The following ARHGAP8 variants were observed in gnomAD, a reference collection of about 807,000 sequenced individuals.
ARHGAP8 encodes Rho GTPase activating protein 8, also known as rho GTPase-activating protein 8.
Under a neutral mutation model 46.1 loss-of-function variants are expected in ARHGAP8, and 62 were observed. That is an observed-to-expected ratio of 1.34 (90% CI 1.10 to 1.66). The LOEUF (loss-of-function observed/expected upper bound fraction) is 1.66, where lower values mean the gene tolerates loss of function less well. Among genes scored for constraint, ARHGAP8 ranks in the 40% most tolerant of loss-of-function variants. The pLI is 0.00. For synonymous variants in ARHGAP8, 375 were observed against 243.1 expected, an observed-to-expected ratio of 1.54 and a Z score of -5.05; for missense variants, 923 against 568.4, an observed-to-expected ratio of 1.62 and a Z score of -6.34.
At chr22:44,816,058 A>G (rs1162429591) in intron 5 of ARHGAP8, among the ~76,000 whole-genome samples, 1 of 151,986 alleles carries the variant, frequency 6.6e-6, no homozygotes, top group Non-Finnish European at 1.5e-5. Flanking sequence ...GCCTCTGGGG[A>G]CAGGGAGGCG....
intron 7 of ARHGAP8, among the ~76,000 whole-genome samples, chr22:44,830,656 C>T (rs1930881897): frequency 6.6e-6 from 1 of 152,118 alleles, no homozygotes; most frequent in Non-Finnish European, 1.5e-5. Context: ...CCTGTCTCAC[C>T]CTCCCGAGTA....
At chr22:44,828,085 C>G (rs897706837) in intron 7 of ARHGAP8, among the ~76,000 whole-genome samples, 1 of 152,166 alleles carries the variant, frequency 6.6e-6, no homozygotes, top group East Asian at 1.9e-4. Flanking sequence ...CAGCTCTGAC[C>G]GATTCACCCT....
In ARHGAP8 at chr22:44,794,400, T is replaced by C. The variant is rs530788887; in HGVS notation, c.80-7677T>C. Among the ~76,000 whole-genome samples, 8 of 152,074 alleles carry C rather than the reference T, an allele frequency of 5.3e-5. No individual in the cohort carries two copies. The South Asian group carries it at 1.0e-3, about 20-fold the overall frequency. The stretch of plus-strand genomic sequence containing the variant: ...GGCTGGGTACAGCCCTTTGCTTTTT[T>C]TCTCTCTCTCTCTTTTAAACTTTTT... On this transcript the variant is annotated intron_variant, in intron 2 of 11. Transcript: ENST00000356099.
rs549392769 is a variant in ARHGAP8, at chr22:44,859,178, C to T, written c.878-553C>T. On this transcript the variant is annotated intron_variant, in intron 10 of 11. Transcript: ENST00000356099. The stretch of plus-strand genomic sequence containing the variant: ...GCAGAGGGATGGAGCTTGTAGAATT[C>T]AGGTGATGATAGGGCTTGGATCTGA... Among the ~76,000 whole-genome samples, 14 of 152,266 alleles carry T rather than the reference C, an allele frequency of 9.2e-5. No homozygotes were observed. The South Asian group carries it at 1.5e-3, about 16-fold the overall frequency.
rs552841846 is a variant in ARHGAP8 at position 44,813,573 on chromosome 22, T to TAC, written c.300-1090_300-1089dup. Among the ~76,000 whole-genome samples, 266 of 151,236 alleles carry TAC rather than the reference T, an allele frequency of 1.8e-3. 2 individuals carry two copies. The highest frequency in any genetic ancestry group is 6.2e-3 in the African/African-American group (254 of 41,048). ...ATATACACATACACCTACATACAACTACACACACACCACTTACAGCTACAT... is the reference window on the plus strand; with the variant it reads ...ATATACACATACACCTACATACAACTACACACACACACCACTTACAGCTACAT... On this transcript the variant is annotated intron_variant, in intron 4 of 11. Transcript: ENST00000356099.
intron 5 of ARHGAP8, 109 bp downstream of exon 5, chr22:44,814,867 T>A: frequency 7.6e-7 from 1 of 1,323,074 alleles, no homozygotes; most frequent in Non-Finnish European, 1.0e-6. Context: ...GTCTCCAGGG[T>A]GCCTGTGTAT....
intron 1 of ARHGAP8, among the ~76,000 whole-genome samples, chr22:44,784,712 CCA>C (rs1927086737): frequency 6.6e-6 from 1 of 152,182 alleles, no homozygotes; most frequent in Non-Finnish European, 1.5e-5. Flanking sequence ...ATCGCTTTTG[CCA>C]CAGACAGTCA....
At position 44,859,816 on chromosome 22, in the gene ARHGAP8, C is replaced by G. The variant is rs755556958; in HGVS notation, c.963C>G (p.Leu321=). ...ACAACTACGTCGTCCTCCGCTACCT[C>G]ATGGGCTTCCTGCATGCGGTGAGTG... The part of the protein sequence containing the change: ...PEHNYVVLRY[L]MGFLHAVSRE... Residue 321 remains leucine (L), a synonymous_variant, in exon 11 of 12, where the codon CTC becomes CTG. Coordinates refer to ENST00000356099, the MANE Select transcript of ARHGAP8 (RefSeq NM_181335.3). 3.1e-6 allele frequency: 5 copies of G among 1,613,830 alleles called. No homozygotes were observed. In the African/African-American group the frequency reaches 6.7e-5, roughly 22 times the overall value.
chr22:44,813,672 C>A (rs1283336839), intron 4 of ARHGAP8, among the ~76,000 whole-genome samples: 1 of 151,526 alleles, frequency 6.6e-6, no homozygotes, highest in Non-Finnish European at 1.5e-5. Context: ...AATACACCTA[C>A]ACACCCCTAG....
Position 44,859,986 on chromosome 22 carries a change from C to A in ARHGAP8, c.981+152C>A, listed in dbSNP as rs529436827. On this transcript the variant is annotated intron_variant, in intron 11 of 11. Transcript: ENST00000356099. ...ACTCCCTGCCCCCCAAGGACCTCAT[C>A]CAAGGCCTGGTCAGGCACCCATGCT... is the stretch of plus-strand genomic sequence containing the variant. 1.5e-5 allele frequency: 14 copies of A among 962,940 alleles called. No homozygotes were observed. In the East Asian group the frequency reaches 2.9e-4, roughly 20 times the overall value. 59.6% of individuals were successfully genotyped at this position (962,940 alleles called of 1,614,324 possible).
At chr22:44,843,974 G>C (rs1410967083) in intron 7 of ARHGAP8, among the ~76,000 whole-genome samples, 1 of 149,030 alleles carries the variant, frequency 6.7e-6, no homozygotes. Flanking sequence ...TATATACATA[G>C]AGAGAAGAGG....
chr22:44,771,242 A>ATTTTTTTTTTTTTTTTTTTTTTTTTTTTT (rs368256843), intron 1 of ARHGAP8, among the ~76,000 whole-genome samples: 3 of 108,302 alleles, frequency 2.8e-5, no homozygotes, highest in Non-Finnish European at 5.4e-5. Flanking sequence ...TTGCAAGTAA[A>ATTTTTTTTTTTTTTTTTTTTTTTTTTTTT]TTTTTTTTTT....
chr22:44,830,086 C>T (rs1157359591), intron 7 of ARHGAP8, among the ~76,000 whole-genome samples: 3 of 151,208 alleles, frequency 2.0e-5, no homozygotes, highest in Non-Finnish European at 4.4e-5. Context: ...TGCAGTGGCA[C>T]GATCTCTGCT....
intron 5 of ARHGAP8, among the ~76,000 whole-genome samples, chr22:44,819,378 T>C (rs971335277): frequency 2.0e-5 from 3 of 152,196 alleles, no homozygotes; most frequent in African/African-American, 7.2e-5. Context: ...TGATTTAAAA[T>C]GTTTTTAAGT....
Position 44,848,020 on chromosome 22 carries a change from G to T in ARHGAP8, c.718G>T (p.Val240Phe). ...LFRRSASVQT[V>F]REIQRLYNQG... ...CCGGAGATCCGCCAGCGTGCAGACC[G>T]TCCGCGAGATCCAGAGGCTCTACAA... is the stretch of plus-strand genomic sequence containing the variant. The change falls in exon 9 of 12, where the codon GTC becomes TTC. Residue 240 changes from valine (V) to phenylalanine (F), a missense_variant. By Grantham distance (50) the Val-to-Phe change is conservative (BLOSUM62 -1). Coordinates refer to ENST00000356099, the MANE Select transcript of ARHGAP8 (RefSeq NM_181335.3). The T allele has an allele frequency of 6.2e-7, 1 of 1,607,810 alleles. No homozygotes were observed. Among genetic ancestry groups the T allele is most frequent in the Non-Finnish European group, 8.5e-7 (1 of 1,179,944 alleles).
chr22:44,784,937 G>A (rs549553825), intron 1 of ARHGAP8, among the ~76,000 whole-genome samples: 1 of 152,322 alleles, frequency 6.6e-6, no homozygotes, highest in South Asian at 2.1e-4. Context: ...CCTCACACCT[G>A]TTGATGAACA....
chr22:44,762,703 C>T (rs1271487803), intron 1 of ARHGAP8, among the ~76,000 whole-genome samples: 4 of 152,014 alleles, frequency 2.6e-5, no homozygotes, highest in Non-Finnish European at 5.9e-5. Context: ...ACCACCCCTC[C>T]TGGCTAATTT....
chr22:44,759,663 C>T (rs1056158404), intron 1 of ARHGAP8, among the ~76,000 whole-genome samples: 1 of 152,210 alleles, frequency 6.6e-6, no homozygotes, highest in Admixed American at 6.5e-5. Context: ...TCTTGAGAAA[C>T]AGGATCTTCT....
rs183765558 is a variant in ARHGAP8 at position 44,817,637 on chromosome 22, C to G, written c.386+2879C>G. On this transcript the variant is annotated intron_variant, in intron 5 of 11. Transcript: ENST00000356099. The stretch of plus-strand genomic sequence containing the variant: ...TGCTCAACATGGCAAAACCCCGTCT[C>G]TACTAAAAACACAAAAAATTAGCGG... Among the ~76,000 whole-genome samples, 43 of 152,222 alleles carry G rather than the reference C, an allele frequency of 2.8e-4. 1 individual carries two copies. The East Asian group carries it at 8.3e-3, about 29-fold the overall frequency.
Sources: allele counts gnomAD v4.1 joint callset (sites outside exome capture counted in the v4.1 genomes callset), GRCh38; gene constraint gnomAD v4.1.1; transcripts MANE v1.5; gene names NCBI Gene and HGNC (gene_info 2026-07-23, HGNC 2026-07-21).